MUC17: variants seen among roughly 807,000 people sequenced by gnomAD.
MUC17 encodes mucin 17, cell surface associated.
Under a neutral mutation model 170.3 loss-of-function variants are expected in MUC17, and 190 were observed. The ratio of observed to expected loss-of-function variants is 1.12; its 90% CI spans 0.99 to 1.26. The LOEUF is 1.26. MUC17 is among the 50% of genes most tolerant of loss of function. The pLI is 0.00. For missense variants in MUC17, 6,415 were observed against 5,530.0 expected (o/e 1.16, Z -5.08); for synonymous variants, 2,325 against 2,002.5 (o/e 1.16, Z -4.30).
Position 101,041,876 on chromosome 7 carries a change from C to G in MUC17, c.10460C>G (p.Thr3487Arg), listed in dbSNP as rs751411349. The G allele has an allele frequency of 2.5e-6, 4 of 1,614,148 alleles. No homozygotes were observed. Among genetic ancestry groups the G allele is most frequent in the Non-Finnish European group, 3.4e-6 (4 of 1,180,002 alleles). Residue 3487 changes from threonine (T) to arginine (R), a missense_variant, in exon 3 of 13, where the codon ACA (threonine) becomes AGA (arginine). Physicochemically the swap from Thr to Arg is moderately conservative, Grantham distance 71. Transcript: ENST00000306151. Reference protein sequence around the residue: ...TLSTTPVDTSTPVTTSSPTNS... With the variant: ...TLSTTPVDTSRPVTTSSPTNS... ...TCAACAACTCCTGTTGACACCAGCA[C>G]ACCTGTGACCACTTCTTCTCCAACC...
rs774136597 is a variant in MUC17 at position 101,040,361 on chromosome 7, C to G, written c.8945C>G (p.Pro2982Arg). The G allele has an allele frequency of 6.2e-7, 1 of 1,610,744 alleles. No homozygotes were observed. Among genetic ancestry groups the G allele is most frequent in the African/African-American group, 1.3e-5 (1 of 74,074 alleles). Residue 2982 changes from proline (P) to arginine (R), a missense_variant, in exon 3 of 13, where the codon CCT becomes CGT. Physicochemically the swap from Pro to Arg is moderately radical, Grantham distance 103 (BLOSUM62 -2). Coordinates refer to ENST00000306151, the MANE Select transcript of MUC17 (RefSeq NM_001040105.2). ...GGTACCAGCATGCCAATCTCAACTC[C>G]TGGCGAAAGAAGAACTCCATTAACA... The part of the protein sequence containing the change: ...AEGTSMPIST[P>R]GERRTPLTSM...
Position 101,031,840 on chromosome 7 carries a change from C to G in MUC17, c.424C>G (p.Pro142Ala), listed in dbSNP as rs1220255422. Reference sequence around the variant, plus strand: ...TGAAGACACTTCATCTCCTACAACTCCTGAAGGCACCGACGTGCCCATGTC... The same window carrying G: ...TGAAGACACTTCATCTCCTACAACTGCTGAAGGCACCGACGTGCCCATGTC... Reference protein sequence around the residue: ...STEDTSSPTTPEGTDVPMSTP... With the variant: ...STEDTSSPTTAEGTDVPMSTP... Residue 142 changes from proline (P) to alanine (A), a missense_variant, in exon 3 of 13, where the codon CCT (proline) becomes GCT (alanine). Physicochemically the swap from Pro to Ala is conservative, Grantham distance 27. Transcript: ENST00000306151. The G allele has an allele frequency of 6.2e-7, 1 of 1,614,060 alleles. No individual in the cohort carries two copies. Among genetic ancestry groups the G allele is most frequent in the Non-Finnish European group, 8.5e-7 (1 of 1,179,994 alleles).
chr7:101,047,056 G>A (rs895679152), intron 3 of MUC17, among the ~76,000 whole-genome samples: 16 of 150,312 alleles, frequency 1.1e-4, no homozygotes, highest in Admixed American at 7.3e-4. Flanking sequence ...ACTCCAGCCC[G>A]GGCGACAGAG....
rs142561811 is a variant in MUC17 at position 101,041,521 on chromosome 7, A to C, written c.10105A>C (p.Thr3369Pro). The change falls in exon 3 of 13, where the codon ACA (threonine) becomes CCA (proline). Residue 3369 changes from threonine (T) to proline (P), a missense_variant. Coordinates refer to ENST00000306151, the MANE Select transcript of MUC17 (RefSeq NM_001040105.2). ...TTCCACAACTCCTGTTGACACCAGC[A>C]CACCTGTCACCACTTCTACTGAAGC... Reference protein sequence around the residue: ...TLSTTPVDTSTPVTTSTEASL... With the variant: ...TLSTTPVDTSPPVTTSTEASL... 19 of 1,613,546 alleles carry C rather than the reference A, an allele frequency of 1.2e-5. No homozygotes were observed. In the African/African-American group the frequency reaches 1.7e-4, roughly 15 times the overall value.
At chr7:101,021,825 G>A (rs553951032) in intron 1 of MUC17, among the ~76,000 whole-genome samples, 14 of 152,290 alleles carry the variant, frequency 9.2e-5, no homozygotes, top group Middle Eastern at 3.4e-3. Flanking sequence ...CCCTGCTGAA[G>A]TCATGGGGCT....
chr7:101,049,499 A>G, intron 6 of MUC17, 117 bp downstream of exon 6: 2 of 1,363,452 alleles, frequency 1.5e-6, no homozygotes, highest in East Asian at 2.4e-5. Flanking sequence ...ATTGCAGAAT[A>G]CCACCGATGG....
intron 1 of MUC17, among the ~76,000 whole-genome samples, chr7:101,023,664 C>G (rs1794132909): frequency 6.6e-6 from 1 of 152,162 alleles, no homozygotes; most frequent in African/African-American, 2.4e-5. Flanking sequence ...CCTCAGCCTC[C>G]CAAAGTGTGG....
At position 101,039,531 on chromosome 7, in the gene MUC17, C is replaced by A. The variant is rs142852040; in HGVS notation, c.8115C>A (p.Ala2705=). 882 of 1,611,748 alleles carry A rather than the reference C, an allele frequency of 5.5e-4. 8 individuals are homozygous for A. The African/African-American group carries it at 0.01, about 19-fold the overall frequency. Reference sequence around the variant, plus strand: ...TACTTGTCAGCACCACGCTGTTGGCCAATTCTGAGGCTAGCACCCTTTCAA... The same window carrying A: ...TACTTGTCAGCACCACGCTGTTGGCAAATTCTGAGGCTAGCACCCTTTCAA... ...TNILVSTTLL[A]NSEASTLSTT... is the part of the protein sequence containing the mutation. The change falls in exon 3 of 13, where the codon GCC becomes GCA. Residue 2705 remains alanine, a synonymous_variant. Coordinates refer to ENST00000306151, the MANE Select transcript of MUC17 (RefSeq NM_001040105.2).
rs150827635 is a variant in MUC17, at chr7:101,042,297, G to A, written c.10881G>A (p.Met3627Ile). Residue 3627 changes from methionine to isoleucine, a missense_variant, in exon 3 of 13, where the codon ATG (methionine) becomes ATA (isoleucine). Met to Ile is a conservative substitution (Grantham distance 10, BLOSUM62 1). Coordinates refer to ENST00000306151, the MANE Select transcript of MUC17 (RefSeq NM_001040105.2). ...PTPPEVITLP[M>I]STPSEVSTPL... ...CTCCTGAAGTTATCACCCTGCCAAT[G>A]TCAACTCCTAGTGAAGTAAGCACTC... is the stretch of plus-strand genomic sequence containing the variant. The A allele has an allele frequency of 2.2e-4, 359 of 1,611,132 alleles. 1 individual carries two copies. Among genetic ancestry groups the A allele is most frequent in the Non-Finnish European group, 1.7e-4 (205 of 1,179,152 alleles).
rs1795096664 is a variant in MUC17 at position 101,058,725 on chromosome 7, A to G, written c.*681A>G. The G allele has an allele frequency of 6.6e-6, 1 of 152,120 alleles. No homozygotes were observed. The highest frequency in any genetic ancestry group is 2.1e-4 in the South Asian group (1 of 4,830). The allele number at this position is 152,120 out of a possible 1,614,324, so 9.4% of individuals were successfully genotyped here. A position where few individuals can be genotyped will look rare whatever the true frequency, so the allele number is the denominator to read the frequency against. On this transcript the variant is annotated 3_prime_UTR_variant, in exon 13 of 13. Transcript: ENST00000306151. ...AAACACCTGTATTTAAATATAGAGC[A>G]TTTACCTTTTGGTATATAAGATTGT...
rs1280191761 is a variant in MUC17, at chr7:101,039,773, C to T, written c.8357C>T (p.Thr2786Ile). ...VDTSIPVTTS[T>I]EASSSPTTAE... Reference sequence around the variant, plus strand: ...ACCAGCATACCTGTCACCACTTCTACTGAAGCCAGTTCCTCTCCTACAACT... The same window carrying T: ...ACCAGCATACCTGTCACCACTTCTATTGAAGCCAGTTCCTCTCCTACAACT... The change falls in exon 3 of 13, where the codon ACT (threonine) becomes ATT (isoleucine). Residue 2786 changes from threonine (T) to isoleucine (I), a missense_variant. Transcript: ENST00000306151. The T allele has an allele frequency of 6.2e-7, 1 of 1,609,886 alleles. No homozygotes were observed. The highest frequency in any genetic ancestry group is 1.3e-5 in the African/African-American group (1 of 74,556).
chr7:101,050,780 G>A, intron 7 of MUC17, 145 bp downstream of exon 7: 1 of 1,227,120 alleles, frequency 8.1e-7, no homozygotes, highest in Non-Finnish European at 1.1e-6. Flanking sequence ...TGGGGTTGCA[G>A]CGCAAAGAAG....
rs774571138 is a variant in MUC17 at position 101,034,605 on chromosome 7, A to T, written c.3189A>T (p.Ser1063=). The T allele has an allele frequency of 3.7e-6, 6 of 1,606,534 alleles. No individual in the cohort carries two copies. The highest frequency in any genetic ancestry group is 1.3e-5 in the African/African-American group (1 of 74,672). Residue 1063 remains serine (S), a synonymous_variant, in exon 3 of 13, where the codon TCA becomes TCT. Coordinates refer to ENST00000306151, the MANE Select transcript of MUC17 (RefSeq NM_001040105.2). ...MVASSETSTL[S]TTPADTSTPV... Reference sequence around the variant, plus strand: ...CCAGTTCTGAAACGAGCACACTTTCAACAACTCCTGCTGACACCAGCACAC... The same window carrying T: ...CCAGTTCTGAAACGAGCACACTTTCTACAACTCCTGCTGACACCAGCACAC...
chr7:101,038,157 C>T lies in MUC17; in HGVS notation c.6741C>T (p.Thr2247=). 6.2e-7 allele frequency: 1 copy of T among 1,613,822 alleles called. No homozygotes were observed. The highest frequency in any genetic ancestry group is 8.5e-7 in the Non-Finnish European group (1 of 1,179,936). The stretch of plus-strand genomic sequence containing the variant: ...CCCTTTCAGCAACTCCTGTTGACAC[C>T]AGCACACCTGTGACCACTTCTACTG... The part of the protein sequence containing the change: ...ASTLSATPVD[T]STPVTTSTEA... The change falls in exon 3 of 13, where the codon ACC becomes ACT. Residue 2247 remains threonine (T), a synonymous_variant. Transcript: ENST00000306151.
rs766649343 is a variant in MUC17 at position 101,034,007 on chromosome 7, G to A, written c.2591G>A (p.Arg864Lys). Residue 864 changes from arginine to lysine, a missense_variant, in exon 3 of 13, where the codon AGA (arginine) becomes AAA (lysine). Physicochemically the swap from Arg to Lys is conservative, Grantham distance 26. Transcript: ENST00000306151. Reference sequence around the variant, plus strand: ...CCAACCTCAACTTATAGTGAAGGAAGAACTCCTTTAACAAGTATGCCTGTC... The same window carrying A: ...CCAACCTCAACTTATAGTGAAGGAAAAACTCCTTTAACAAGTATGCCTGTC... ...SMPTSTYSEGRTPLTSMPVST... is the reference protein window; with the variant it reads ...SMPTSTYSEGKTPLTSMPVST... 2.5e-6 allele frequency: 4 copies of A among 1,599,548 alleles called. No homozygotes were observed. In the South Asian group the frequency reaches 3.4e-5, roughly 13 times the overall value.
intron 11 of MUC17, among the ~76,000 whole-genome samples, chr7:101,055,330 T>C (rs1038657591): frequency 2.8e-5 from 4 of 142,988 alleles, no homozygotes; most frequent in Non-Finnish European, 4.4e-5. Context: ...GAAACAAAAG[T>C]GTAGAAAAGA....
chr7:101,051,744 G>A, intron 8 of MUC17, 59 bp from the exon 9 acceptor site: 1 of 1,605,968 alleles, frequency 6.2e-7, no homozygotes, highest in Admixed American at 1.7e-5. Flanking sequence ...GGAGGAGTGG[G>A]ACAGTGTCCC....
At chr7:101,031,295 G>T in intron 2 of MUC17, 74 bp downstream of exon 2, 1 of 1,530,072 alleles carries the variant, frequency 6.5e-7, no homozygotes, top group Non-Finnish European at 8.8e-7. Context: ...CCCCTGCCAG[G>T]CTGGTGAAGC....
chr7:101,050,278 T>C (rs879814322), intron 6 of MUC17, among the ~76,000 whole-genome samples: 2 of 152,142 alleles, frequency 1.3e-5, no homozygotes, highest in Non-Finnish European at 1.5e-5. Context: ...AGAACTCCTA[T>C]AGCAGGGGGC....
Sources: gnomAD v4.1 joint callset for allele counts (sites outside exome capture counted in the v4.1 genomes callset) on GRCh38, gnomAD v4.1.1 for gene constraint, MANE v1.5 for transcripts, NCBI Gene and HGNC (gene_info 2026-07-23, HGNC 2026-07-21) for gene names.